FNDC3A: variants seen among roughly 807,000 people sequenced by gnomAD.
FNDC3A encodes the protein fibronectin type-III domain-containing protein 3A.
FNDC3A carries 32 observed loss-of-function variants against 148.9 expected under a neutral mutation model. That is an observed-to-expected ratio of 0.21 (90% CI 0.16 to 0.29). FNDC3A has a LOEUF of 0.29. FNDC3A is among the 10% of genes least tolerant of loss of function. The probability of loss-of-function intolerance (pLI) is 1.00; values close to 1 mark genes in which losing one functional copy is unlikely to be tolerated. For synonymous variants in FNDC3A, 472 were observed against 473.6 expected, an observed-to-expected ratio of 1.00 and a Z score of 0.04; for missense variants, 1,191 against 1,452.8, an observed-to-expected ratio of 0.82 and a Z score of 2.93.
chr13:49,036,891 T>C (rs1447073675), intron 2 of FNDC3A, among the ~76,000 whole-genome samples: 3 of 152,180 alleles, frequency 2.0e-5, no homozygotes, highest in Non-Finnish European at 4.4e-5. Flanking sequence ...CTGAACTAAT[T>C]GTCATGCCAA....
In FNDC3A at chr13:49,010,064, T is replaced by C. The variant is rs566812740; in HGVS notation, c.99+3775T>C. 2.9e-4 allele frequency among the ~76,000 whole-genome samples: 44 copies of C among 152,328 alleles called. No homozygotes were observed. In the South Asian group the frequency reaches 9.1e-3, roughly 32 times the overall value. ...ATTTCCCAAAGAAGGGGACGTATCA[T>C]GTCATACAGGTAGGGCCAAAGGAGA... On this transcript the variant is annotated intron_variant, in intron 2 of 25. Coordinates refer to ENST00000492622, the MANE Select transcript of FNDC3A (RefSeq NM_001079673.2).
intron 3 of FNDC3A, chr13:49,095,598 A>AT (rs1879473138): frequency 1.3e-5 from 2 of 152,086 alleles, no homozygotes; most frequent in South Asian, 4.1e-4. Context: ...CACCTTCCTT[A>AT]TTAAAAATAA....
chr13:48,981,112 A>G (rs753458450), intron 1 of FNDC3A, among the ~76,000 whole-genome samples: 2 of 152,174 alleles, frequency 1.3e-5, no homozygotes, highest in Admixed American at 6.5e-5. Flanking sequence ...GCTACTTAAT[A>G]CAATTTTTAC....
chr13:49,043,389 T>G (rs1875103461), intron 2 of FNDC3A, among the ~76,000 whole-genome samples: 2 of 152,238 alleles, frequency 1.3e-5, no homozygotes, highest in Admixed American at 6.5e-5. Flanking sequence ...ATGTGGCCCA[T>G]TCTTAAATTT....
chr13:49,109,408 T>A (rs974554285), intron 3 of FNDC3A, among the ~76,000 whole-genome samples: 1 of 152,230 alleles, frequency 6.6e-6, no homozygotes, highest in Non-Finnish European at 1.5e-5. Context: ...TATTAAAATA[T>A]ATCTTTTAAT....
intron 4 of FNDC3A, among the ~76,000 whole-genome samples, chr13:49,122,255 G>C (rs1265215183): frequency 6.6e-6 from 1 of 152,074 alleles, no homozygotes; most frequent in Non-Finnish European, 1.5e-5. Flanking sequence ...AAAATGACAT[G>C]ATTATCTCAA....
intron 4 of FNDC3A, among the ~76,000 whole-genome samples, chr13:49,124,788 A>G (rs1045060100): frequency 1.1e-4 from 16 of 152,236 alleles, no homozygotes; most frequent in African/African-American, 3.6e-4. Context: ...ATACAAAGCA[A>G]GTGATGCCAG....
intron 1 of FNDC3A, among the ~76,000 whole-genome samples, chr13:48,983,527 A>G (rs1033446781): frequency 6.6e-6 from 1 of 152,222 alleles, no homozygotes. Context: ...AATGGGCATG[A>G]CTGTGTTCCT....
rs376854377 is a variant in FNDC3A, at chr13:49,114,702, A to G, written c.223A>G (p.Ile75Val). The G allele has an allele frequency of 6.8e-6, 11 of 1,612,718 alleles. No individual in the cohort carries two copies. The highest frequency in any genetic ancestry group is 4.4e-5 in the South Asian group (4 of 91,042). Residue 75 changes from isoleucine (I) to valine (V), a missense_variant, in exon 4 of 26, where the codon ATC becomes GTC. This residue lies in a region of FNDC3A where 426 missense variants were observed against 473.2 expected (regional missense o/e 0.90). Transcript: ENST00000492622. ...GTCCCCAAATGGTTCTGTGCCTCCTATCTATGTGCCTCCTGGATATGCCCC... is the reference window on the plus strand; with the variant it reads ...GTCCCCAAATGGTTCTGTGCCTCCTGTCTATGTGCCTCCTGGATATGCCCC... ...MMSPNGSVPP[I>V]YVPPGYAPQV... is the part of the protein sequence containing the mutation.
intron 3 of FNDC3A, among the ~76,000 whole-genome samples, chr13:49,081,857 A>G (rs759984601): frequency 5.9e-5 from 9 of 152,216 alleles, no homozygotes; most frequent in Non-Finnish European, 1.2e-4. Context: ...TTATAGGAAG[A>G]TGAAATAAAA....
intron 14 of FNDC3A, among the ~76,000 whole-genome samples, chr13:49,181,081 TTAA>T (rs1885278052): frequency 6.6e-6 from 1 of 152,098 alleles, no homozygotes. Flanking sequence ...ACCCCATCTC[TTAA>T]TAATATTAAC....
intron 3 of FNDC3A, among the ~76,000 whole-genome samples, chr13:49,113,736 T>G (rs956435710): frequency 6.6e-6 from 1 of 152,060 alleles, no homozygotes; most frequent in Non-Finnish European, 1.5e-5. Flanking sequence ...AAAAAACTGG[T>G]GGGCATGAGG....
intron 3 of FNDC3A, among the ~76,000 whole-genome samples, chr13:49,112,465 C>G (rs1240394400): frequency 6.6e-6 from 1 of 152,110 alleles, no homozygotes; most frequent in Non-Finnish European, 1.5e-5. Flanking sequence ...AAGTTTTATT[C>G]AGTAAATTAA....
Position 49,114,680 on chromosome 13 carries a change from C to G in FNDC3A, c.201C>G (p.Ser67=). The G allele has an allele frequency of 1.2e-6, 2 of 1,613,078 alleles. No homozygotes were observed. The highest frequency in any genetic ancestry group is 1.7e-6 in the Non-Finnish European group (2 of 1,179,162). The change falls in exon 4 of 26, where the codon TCC becomes TCG. Residue 67 remains serine (S), a synonymous_variant. Coordinates refer to ENST00000492622, the MANE Select transcript of FNDC3A (RefSeq NM_001079673.2). The part of the protein sequence containing the change: ...ITGPAQVPMM[S]PNGSVPPIYV... ...GTCCTGCTCAGGTTCCAATGATGTC[C>G]CCAAATGGTTCTGTGCCTCCTATCT...
intron 1 of FNDC3A, among the ~76,000 whole-genome samples, chr13:48,996,162 G>A (rs977522194): frequency 1.4e-4 from 21 of 152,058 alleles, no homozygotes; most frequent in African/African-American, 4.8e-4. Flanking sequence ...AATTTTGATG[G>A]TGGTATAAAC....
chr13:49,158,537 G>A (rs955014187), intron 8 of FNDC3A, among the ~76,000 whole-genome samples: 2 of 152,192 alleles, frequency 1.3e-5, no homozygotes, highest in African/African-American at 4.8e-5. Context: ...GGCCATCTTC[G>A]ATTGCAAAAA....
chr13:49,073,672 T>TACAC (rs957901384), intron 2 of FNDC3A, among the ~76,000 whole-genome samples: 77 of 147,612 alleles, frequency 5.2e-4, no homozygotes, highest in African/African-American at 1.8e-3. Context: ...TATATATATA[T>TACAC]ACACACATAT....
At chr13:49,063,075 A>G (rs1326021032) in intron 2 of FNDC3A, among the ~76,000 whole-genome samples, 1 of 152,168 alleles carries the variant, frequency 6.6e-6, no homozygotes. Flanking sequence ...ATTATTAGTA[A>G]TTTATAGAAT....
At chr13:49,172,204 A>G in intron 11 of FNDC3A, 108 bp downstream of exon 11, 1 of 651,026 alleles carries the variant, frequency 1.5e-6, no homozygotes, top group Non-Finnish European at 2.6e-6. Context: ...TGTCAAAAAA[A>G]GTATGAATGA....
Sources: gnomAD v4.1 joint callset for allele counts (sites outside exome capture counted in the v4.1 genomes callset) on GRCh38, gnomAD v4.1.1 for gene constraint, gnomAD v4.1.1 regional missense constraint, MANE v1.5 for transcripts, NCBI Gene and HGNC (gene_info 2026-07-23, HGNC 2026-07-21) for gene names.